Variants in PRMT3 observed in about 807,000 individuals in gnomAD.
The protein encoded by PRMT3 is protein arginine methyltransferase 3.
A neutral mutation model predicts 71.9 loss-of-function variants in PRMT3; 62 were observed. The ratio of observed to expected loss-of-function variants is 0.86; its 90% CI spans 0.70 to 1.07. The LOEUF (loss-of-function observed/expected upper bound fraction) is 1.07. Ranked by LOEUF, PRMT3 falls within the 50% of genes least tolerant of loss-of-function variation. PRMT3 has a pLI of 0.00. For synonymous variants in PRMT3, 213 were observed against 220.4 expected (o/e 0.97, Z 0.30); for missense variants, 663 against 643.0 (o/e 1.03, Z -0.34).
chr11:20,400,413 T>C (rs1262879874), intron 7 of PRMT3, among the ~76,000 whole-genome samples: 6 of 152,214 alleles, frequency 3.9e-5, no homozygotes, highest in African/African-American at 1.4e-4. Context: ...ATAGATTACA[T>C]GAACTTTCAG....
intron 10 of PRMT3, among the ~76,000 whole-genome samples, chr11:20,431,513 C>G (rs1296438109): frequency 6.6e-6 from 1 of 152,136 alleles, no homozygotes; most frequent in African/African-American, 2.4e-5. Flanking sequence ...AGCTACTACA[C>G]TAGCTAATTC....
chr11:20,440,849 C>G (rs999645120), intron 10 of PRMT3, among the ~76,000 whole-genome samples: 1 of 152,166 alleles, frequency 6.6e-6, no homozygotes, highest in Non-Finnish European at 1.5e-5. Flanking sequence ...TTCTCCCACT[C>G]TGTGGCAGGT....
At chr11:20,396,753 A>G (rs1482653546) in intron 6 of PRMT3, among the ~76,000 whole-genome samples, 1 of 152,174 alleles carries the variant, frequency 6.6e-6, no homozygotes, top group East Asian at 1.9e-4. Context: ...CTGGTGTAGT[A>G]CTTTTCAAAG....
chr11:20,424,161 G>A (rs1849490349), intron 9 of PRMT3, among the ~76,000 whole-genome samples: 1 of 142,296 alleles, frequency 7.0e-6, no homozygotes, highest in African/African-American at 2.7e-5. Context: ...TCCAGCCTGG[G>A]CAACAAAGCA....
At chr11:20,417,299 A>G (rs1048127012) in intron 9 of PRMT3, among the ~76,000 whole-genome samples, 7 of 152,204 alleles carry the variant, frequency 4.6e-5, no homozygotes, top group African/African-American at 1.7e-4. Context: ...GTATACTTCG[A>G]TGACATATTG....
At position 20,420,841 on chromosome 11, in the gene PRMT3, A is replaced by G. The variant is rs957476207; in HGVS notation, c.894-5925A>G. Among the ~76,000 whole-genome samples, 5 of 152,234 alleles carry G rather than the reference A, an allele frequency of 3.3e-5. No homozygotes were observed. The South Asian group carries it at 6.2e-4, about 19-fold the overall frequency. On this transcript the variant is annotated intron_variant, in intron 9 of 15. Coordinates refer to ENST00000331079, the MANE Select transcript of PRMT3 (RefSeq NM_005788.4). ...TACCTTTCATCACCTCTTCTATCCA[A>G]CACCATAAAGGAGATCCTAGCCAAT... is the stretch of plus-strand genomic sequence containing the variant.
intron 13 of PRMT3, among the ~76,000 whole-genome samples, chr11:20,486,046 G>C (rs1343065697): frequency 6.6e-6 from 1 of 152,086 alleles, no homozygotes; most frequent in Non-Finnish European, 1.5e-5. Context: ...AATGAAACAC[G>C]ATACAACATG....
At chr11:20,493,733 G>T (rs559875155) in intron 13 of PRMT3, among the ~76,000 whole-genome samples, 186 bp from the exon 14 acceptor site, 1 of 152,242 alleles carries the variant, frequency 6.6e-6, no homozygotes, top group South Asian at 2.1e-4. Flanking sequence ...TTGTTTCTGT[G>T]AGGAAAAGCC....
chr11:20,437,296 TCTA>T (rs1849780984), intron 10 of PRMT3, among the ~76,000 whole-genome samples: 1 of 152,210 alleles, frequency 6.6e-6, no homozygotes, highest in African/African-American at 2.4e-5. Flanking sequence ...TTTCTTTCCT[TCTA>T]CTTTGCTTTT....
chr11:20,417,133 A>G (rs75446998), intron 9 of PRMT3, among the ~76,000 whole-genome samples: 1 of 152,110 alleles, frequency 6.6e-6, no homozygotes, highest in East Asian at 1.9e-4. Context: ...TCACAGGTTT[A>G]CCAATATAAT....
At chr11:20,416,612 A>T (rs912720877) in intron 9 of PRMT3, among the ~76,000 whole-genome samples, 23 of 152,074 alleles carry the variant, frequency 1.5e-4, no homozygotes, top group African/African-American at 5.6e-4. Flanking sequence ...AAGCCTGCAA[A>T]CCCATTGTTT....
chr11:20,489,479 C>T (rs1418812907), intron 13 of PRMT3, among the ~76,000 whole-genome samples: 1 of 152,016 alleles, frequency 6.6e-6, no homozygotes, highest in Non-Finnish European at 1.5e-5. Context: ...TCATTATTTC[C>T]TATGGTTGTT....
In PRMT3 at chr11:20,404,455, AT is replaced by A. The variant is rs758413704; in HGVS notation, c.771+1474del. 5.3e-5 allele frequency among the ~76,000 whole-genome samples: 8 copies of A among 151,522 alleles called. No individual in the cohort carries two copies. In the South Asian group the frequency reaches 8.3e-4, roughly 16 times the overall value. ...CACCATGTTGGTCAGGATGGCCTTG[AT>A]TTCTTGACCTTGTGATCCGCCCGCC... On this transcript the variant is annotated intron_variant, in intron 8 of 15. Transcript: ENST00000331079.
intron 9 of PRMT3, among the ~76,000 whole-genome samples, chr11:20,415,157 A>C (rs1263893388): frequency 6.6e-6 from 1 of 152,080 alleles, no homozygotes. Flanking sequence ...CAGAAATGTG[A>C]ATTAAAGCCA....
At chr11:20,462,244 G>T in intron 12 of PRMT3, 77 bp downstream of exon 12, 2 of 1,164,968 alleles carry the variant, frequency 1.7e-6, no homozygotes, top group Non-Finnish European at 1.2e-6. Flanking sequence ...ATAATATATT[G>T]ATTTTATATA....
At chr11:20,415,213 A>T (rs567110084) in intron 9 of PRMT3, among the ~76,000 whole-genome samples, 1 of 152,270 alleles carries the variant, frequency 6.6e-6, no homozygotes, top group South Asian at 2.1e-4. Context: ...TTTTAAAAAA[A>T]ATTTGTTCTT....
intron 13 of PRMT3, among the ~76,000 whole-genome samples, chr11:20,483,085 C>T (rs537857623): frequency 3.3e-5 from 5 of 152,144 alleles, no homozygotes; most frequent in African/African-American, 1.2e-4. Flanking sequence ...CTTTTACCGT[C>T]TGTTAAATCG....
intron 9 of PRMT3, among the ~76,000 whole-genome samples, chr11:20,409,583 A>G (rs1456851841): frequency 6.6e-6 from 1 of 151,858 alleles, no homozygotes; most frequent in East Asian, 1.9e-4. Flanking sequence ...TAATGGAAAA[A>G]TTGCCCTGAA....
chr11:20,462,231 A>C (rs1464928985), intron 12 of PRMT3, 64 bp downstream of exon 12: 2 of 1,284,144 alleles, frequency 1.6e-6, no homozygotes, highest in Non-Finnish European at 2.2e-6. Flanking sequence ...TCAGCATTTG[A>C]AAATAATATA....
Sources: gnomAD v4.1 joint callset for allele counts (sites outside exome capture counted in the v4.1 genomes callset) on GRCh38, gnomAD v4.1.1 for gene constraint, MANE v1.5 for transcripts, NCBI Gene and HGNC (gene_info 2026-07-23, HGNC 2026-07-21) for gene names.